Variants in BMPR1B observed in about 807,000 individuals in gnomAD.
BMPR1B encodes the protein bone morphogenetic protein receptor type-1B.
BMPR1B carries 12 observed loss-of-function variants against 59.1 expected under a neutral mutation model. That is an observed-to-expected ratio of 0.20 (90% CI 0.13 to 0.33). The LOEUF (loss-of-function observed/expected upper bound fraction) is 0.33, where lower values mean the gene tolerates loss of function less well. Among genes scored for constraint, BMPR1B ranks in the 10% least tolerant of loss-of-function variants. The pLI, the probability that BMPR1B is intolerant of heterozygous loss-of-function variation, is 1.00. For missense variants in BMPR1B, 550 were observed against 610.9 expected (o/e 0.90, Z 1.05); for synonymous variants, 237 against 207.3 (o/e 1.14, Z -1.23).
chr4:94,943,288 C>T (rs576099743), intron 2 of BMPR1B, among the ~76,000 whole-genome samples: 5 of 152,126 alleles, frequency 3.3e-5, no homozygotes, highest in Non-Finnish European at 5.9e-5. Flanking sequence ...TACAGGCATG[C>T]GCCACCATGC....
At chr4:94,858,244 C>T (rs1165335317) in intron 1 of BMPR1B, among the ~76,000 whole-genome samples, 1 of 152,156 alleles carries the variant, frequency 6.6e-6, no homozygotes, top group Non-Finnish European at 1.5e-5. Flanking sequence ...GCCACCGTGC[C>T]TGGCCAATAC....
intron 1 of BMPR1B, among the ~76,000 whole-genome samples, chr4:94,826,449 T>C (rs2110662907): frequency 6.6e-6 from 1 of 152,364 alleles, no homozygotes; most frequent in Admixed American, 6.5e-5. Context: ...GCACTGTGCT[T>C]TTCTGCTGTG....
intron 2 of BMPR1B, among the ~76,000 whole-genome samples, chr4:94,902,216 TCACACACACA>T (rs748411550): frequency 1.6e-4 from 12 of 77,394 alleles, no homozygotes; most frequent in Admixed American, 1.0e-3. Context: ...GAAATTCAAT[TCACACACACA>T]CACACACACA....
intron 2 of BMPR1B, among the ~76,000 whole-genome samples, chr4:94,909,298 AC>A (rs962194810): frequency 3.3e-5 from 5 of 152,006 alleles, no homozygotes; most frequent in African/African-American, 1.2e-4. Flanking sequence ...GGGGATACTA[AC>A]TTACTATATA....
chr4:95,014,407 T>A (rs1304323414), intron 3 of BMPR1B, among the ~76,000 whole-genome samples: 2 of 152,196 alleles, frequency 1.3e-5, no homozygotes, highest in African/African-American at 4.8e-5. Flanking sequence ...TTAACTACCA[T>A]TATTTAGAAA....
chr4:94,808,692 A>G (rs1039091606), intron 1 of BMPR1B, among the ~76,000 whole-genome samples: 6 of 152,210 alleles, frequency 3.9e-5, no homozygotes, highest in Non-Finnish European at 2.9e-5. Flanking sequence ...GCTTGGTATA[A>G]GTTTCTGTTT....
chr4:94,900,269 G>A (rs1049573755), intron 2 of BMPR1B, among the ~76,000 whole-genome samples: 4 of 149,714 alleles, frequency 2.7e-5, no homozygotes, highest in African/African-American at 7.4e-5. Context: ...AACCTAAGAT[G>A]TCAATTAGCT....
At chr4:95,131,865 G>A (rs1490528814) in intron 10 of BMPR1B, among the ~76,000 whole-genome samples, 1 of 152,192 alleles carries the variant, frequency 6.6e-6, no homozygotes, top group Non-Finnish European at 1.5e-5. Flanking sequence ...TATGGATAAA[G>A]ACAATTTTTA....
intron 2 of BMPR1B, among the ~76,000 whole-genome samples, chr4:94,964,505 A>C (rs1730481672): frequency 6.6e-6 from 1 of 152,180 alleles, no homozygotes; most frequent in Admixed American, 6.5e-5. Context: ...GTCCCATAGC[A>C]CATAACTCAA....
intron 11 of BMPR1B, among the ~76,000 whole-genome samples, chr4:95,151,095 A>G (rs577786935): frequency 2.2e-4 from 33 of 152,306 alleles, no homozygotes; most frequent in African/African-American, 7.9e-4. Flanking sequence ...TGAAAGAGAC[A>G]CATCCAGATG....
intron 10 of BMPR1B, among the ~76,000 whole-genome samples, chr4:95,135,502 A>T (rs1011830064): frequency 1.5e-4 from 23 of 152,266 alleles, no homozygotes; most frequent in African/African-American, 5.1e-4. Flanking sequence ...GAGCATGGAA[A>T]GTTCTTCTAT....
chr4:94,890,112 A>G (rs765613927), intron 2 of BMPR1B, among the ~76,000 whole-genome samples: 2 of 152,060 alleles, frequency 1.3e-5, no homozygotes, highest in Non-Finnish European at 2.9e-5. Context: ...TGCCAAGCCT[A>G]CAGTTAATGT....
chr4:95,151,320 C>T (rs1184373161), intron 11 of BMPR1B, among the ~76,000 whole-genome samples: 1 of 152,168 alleles, frequency 6.6e-6, no homozygotes, highest in East Asian at 1.9e-4. Context: ...TACCCCACCC[C>T]ATCCATCAGT....
intron 2 of BMPR1B, among the ~76,000 whole-genome samples, chr4:94,964,554 T>C (rs1730484085): frequency 6.6e-6 from 1 of 152,204 alleles, no homozygotes; most frequent in African/African-American, 2.4e-5. Context: ...TGAAGAGTGC[T>C]TTGTTAACAC....
chr4:94,880,235 GTACTT>G (rs1726904192), intron 2 of BMPR1B, among the ~76,000 whole-genome samples: 1 of 152,110 alleles, frequency 6.6e-6, no homozygotes, highest in African/African-American at 2.4e-5. Context: ...TCAGAGTACT[GTACTT>G]CTAACTTGTC....
At chr4:95,082,207 CTG>C (rs1298654624) in intron 3 of BMPR1B, among the ~76,000 whole-genome samples, 2 of 133,414 alleles carry the variant, frequency 1.5e-5, no homozygotes, top group African/African-American at 2.7e-5. Context: ...CATTTTTTAA[CTG>C]TTCAATTTTT....
At chr4:95,133,956 C>T (rs375740744) in intron 10 of BMPR1B, among the ~76,000 whole-genome samples, 2 of 151,796 alleles carry the variant, frequency 1.3e-5, no homozygotes, top group East Asian at 3.9e-4. Context: ...TATACGTGTG[C>T]CATGTTGGTG....
rs561214392 is a variant in BMPR1B, at chr4:95,027,143, A to G, written c.-18+31009A>G. ...CTTTCTCTAAGGCCCACTTAAAAATAAATAGTACTGTTTAAGGGTCAGAAA... is the reference window on the plus strand; with the variant it reads ...CTTTCTCTAAGGCCCACTTAAAAATGAATAGTACTGTTTAAGGGTCAGAAA... On this transcript the variant is annotated intron_variant, in intron 3 of 12. Coordinates refer to ENST00000515059, the MANE Select transcript of BMPR1B (RefSeq NM_001203.3). Among the ~76,000 whole-genome samples the G allele has an allele frequency of 1.0e-3, 153 of 152,258 alleles. 2 individuals carry two copies. The highest frequency in any genetic ancestry group is 3.4e-3 in the Middle Eastern group (1 of 294).
chr4:95,142,219 A>G (rs760978895), intron 10 of BMPR1B, among the ~76,000 whole-genome samples: 1 of 152,186 alleles, frequency 6.6e-6, no homozygotes, highest in African/African-American at 2.4e-5. Context: ...TCAATTCTGC[A>G]AGTCAGTTCC....
Sources: gnomAD v4.1 joint callset for allele counts (sites outside exome capture counted in the v4.1 genomes callset) on GRCh38, gnomAD v4.1.1 for gene constraint, MANE v1.5 for transcripts, NCBI Gene and HGNC (gene_info 2026-07-23, HGNC 2026-07-21) for gene names.